Variants in NEBL observed in about 807,000 individuals in gnomAD.
NEBL encodes nebulette, also known as LIM and SH3 protein 2.
A neutral mutation model predicts 140.2 loss-of-function variants in NEBL; 122 were observed. That is an observed-to-expected ratio of 0.87 (90% CI 0.75 to 1.01). The LOEUF is 1.01. NEBL is among the 50% of genes least tolerant of loss of function. NEBL has a pLI of 0.00. For missense variants in NEBL, 1,365 were observed against 1,231.3 expected (o/e 1.11, Z -1.62); for synonymous variants, 436 against 398.9 (o/e 1.09, Z -1.11).
At chr10:20,939,553 C>A (rs1388442844) in intron 4 of NEBL, among the ~76,000 whole-genome samples, 1 of 152,184 alleles carries the variant, frequency 6.6e-6, no homozygotes, top group Non-Finnish European at 1.5e-5. Context: ...CAACTAACAT[C>A]ATAATGACAG....
chr10:21,125,139 T>C (rs543537259), intron 2 of NEBL, among the ~76,000 whole-genome samples: 1 of 152,106 alleles, frequency 6.6e-6, no homozygotes, highest in Non-Finnish European at 1.5e-5. Flanking sequence ...AAAGCAATGC[T>C]AACATCTCTA....
At position 20,812,887 on chromosome 10, in the gene NEBL, G is replaced by A. The variant is rs773030246; in HGVS notation, c.2400C>T (p.Val800=). ...CTCTCTCTGTCACAGGATCGTCCAC[G>A]ACGGGAGTAAAGCCTCTCCCCTTTG... ...EKTKGRGFTP[V]VDDPVTERVR... is the part of the protein sequence containing the mutation. Residue 800 remains valine (V), a synonymous_variant, in exon 24 of 28, where the codon GTC becomes GTT. Transcript: ENST00000377122. 12 of 1,613,846 alleles carry A rather than the reference G, an allele frequency of 7.4e-6. No individual in the cohort carries two copies. The highest frequency in any genetic ancestry group is 2.2e-5 in the East Asian group (1 of 44,850).
At chr10:20,978,836 C>A (rs114953165) in intron 3 of NEBL, among the ~76,000 whole-genome samples, 2 of 151,856 alleles carry the variant, frequency 1.3e-5, no homozygotes, top group Non-Finnish European at 2.9e-5. Flanking sequence ...TGGAGCCACT[C>A]GAGAGCAAGA....
At chr10:21,010,172 C>T (rs1410650085) in intron 3 of NEBL, among the ~76,000 whole-genome samples, 2 of 152,142 alleles carry the variant, frequency 1.3e-5, no homozygotes, top group Non-Finnish European at 2.9e-5. Context: ...TAGATCAGCT[C>T]CTCTGTATAA....
chr10:20,875,149 T>C (rs1353124985), intron 5 of NEBL, among the ~76,000 whole-genome samples: 1 of 152,232 alleles, frequency 6.6e-6, no homozygotes, highest in Non-Finnish European at 1.5e-5. Flanking sequence ...ACTTTCACCC[T>C]GAGCTCATAT....
Position 21,191,695 on chromosome 10 carries a change from G to T in NEBL, n.349-19218C>A, listed in dbSNP as rs149871299. ...CACACGCCCAAAGGCTTTAACAATA[G>T]GTACATTATAACAATATTGTTGCTT... On this transcript the variant is annotated intron_variant and non_coding_transcript_variant, in intron 3 of 8. Transcript: ENST00000675702. Among the ~76,000 whole-genome samples the T allele has an allele frequency of 5.2e-3, 787 of 152,266 alleles. 1 individual carries two copies. The highest frequency in any genetic ancestry group is 7.4e-3 in the Non-Finnish European group (503 of 68,016).
chr10:20,899,458 A>G (rs1436784580), upstream of NEBL: 1 of 1,291,492 alleles, frequency 7.7e-7, no homozygotes, highest in East Asian at 5.6e-5. Context: ...GTGCTGCAAG[A>G]AAATAAGCTG....
Position 21,155,115 on chromosome 10 carries a change from C to T in NEBL, c.164+17268G>A, listed in dbSNP as rs186333793. ...TCCAGAGGCTGAGGGAGGAGAATTGCTTGAACCCAGGAGGCAGAGGTTGCA... is the reference window on the plus strand; with the variant it reads ...TCCAGAGGCTGAGGGAGGAGAATTGTTTGAACCCAGGAGGCAGAGGTTGCA... On this transcript the variant is annotated intron_variant, in intron 2 of 6. Transcript: ENST00000417816. Among the ~76,000 whole-genome samples the T allele has an allele frequency of 5.3e-5, 8 of 152,218 alleles. No homozygotes were observed. In the East Asian group the frequency reaches 1.5e-3, roughly 29 times the overall value.
intron 4 of NEBL, among the ~76,000 whole-genome samples, chr10:20,915,274 C>T (rs1194948552): frequency 2.6e-5 from 4 of 151,704 alleles, no homozygotes; most frequent in African/African-American, 9.7e-5. Context: ...TATTATTATA[C>T]TTTAAGTTTT....
At chr10:21,137,931 A>C (rs1839428865) in intron 2 of NEBL, among the ~76,000 whole-genome samples, 1 of 151,326 alleles carries the variant, frequency 6.6e-6, no homozygotes. Flanking sequence ...TGAAAAAAAA[A>C]AAAAGGAAAG....
At chr10:21,288,820 G>GTATATATA (rs71392181) in intron 1 of NEBL, among the ~76,000 whole-genome samples, 22 of 35,016 alleles carry the variant, frequency 6.3e-4, no homozygotes, top group African/African-American at 7.7e-4. Context: ...GTGTGTGTGT[G>GTATATATA]TATATATATA....
chr10:21,028,235 C>CAAAAAAAAAAAAAAAAAAAAAAA (rs1168946872), intron 2 of NEBL, among the ~76,000 whole-genome samples: 10 of 66,230 alleles, frequency 1.5e-4, no homozygotes, highest in Admixed American at 2.0e-4. Context: ...TCAAACATCT[C>CAAAAAAAAAAAAAAAAAAAAAAA]AAAAAAAAAA....
chr10:20,788,885 G>A (rs549432423), intron 26 of NEBL, among the ~76,000 whole-genome samples: 2 of 152,258 alleles, frequency 1.3e-5, no homozygotes, highest in South Asian at 4.1e-4. Flanking sequence ...TTAGACTCTG[G>A]AAGCCTTGTC....
intron 3 of NEBL, among the ~76,000 whole-genome samples, chr10:21,193,862 A>G (rs530075380): frequency 1.3e-5 from 2 of 152,234 alleles, no homozygotes; most frequent in South Asian, 2.1e-4. Flanking sequence ...GAAATCCAGC[A>G]TCTTTTCACA....
At chr10:20,792,539 C>T (rs1013528041) in intron 26 of NEBL, among the ~76,000 whole-genome samples, 5 of 152,120 alleles carry the variant, frequency 3.3e-5, no homozygotes, top group Non-Finnish European at 7.4e-5. Flanking sequence ...TGGTGGCTCA[C>T]GCCTGTAATC....
At chr10:21,048,449 AC>A (rs1429654797) in intron 2 of NEBL, among the ~76,000 whole-genome samples, 1 of 94,940 alleles carries the variant, frequency 1.1e-5, no homozygotes, top group Non-Finnish European at 2.2e-5. Context: ...ATAAATTTCT[AC>A]CAAAAAAAAA....
chr10:20,924,394 C>G (rs1295906244), intron 4 of NEBL, among the ~76,000 whole-genome samples: 1 of 126,356 alleles, frequency 7.9e-6, no homozygotes, highest in East Asian at 2.3e-4. Flanking sequence ...ATGCCTATAG[C>G]TCTCGATCAG....
At position 20,871,824 on chromosome 10, in the gene NEBL, A is replaced by AT. The variant is rs542101002; in HGVS notation, c.481-1984dup. 5.3e-5 allele frequency among the ~76,000 whole-genome samples: 8 copies of AT among 151,698 alleles called. No homozygotes were observed. The East Asian group carries it at 1.2e-3, about 22-fold the overall frequency. ...TTGGGTGGATTTTAAATCTTTAGGG[A>AT]TTTTTTTTTAAGCAGGCCAATTCCA... On this transcript the variant is annotated intron_variant, in intron 5 of 27. Transcript: ENST00000377122.
chr10:20,802,146 C>A (rs543677155), intron 26 of NEBL, among the ~76,000 whole-genome samples: 1 of 152,108 alleles, frequency 6.6e-6, no homozygotes, highest in South Asian at 2.1e-4. Context: ...CAAGCACATA[C>A]GAATACTTTC....
Sources: allele counts gnomAD v4.1 joint callset (sites outside exome capture counted in the v4.1 genomes callset), GRCh38; gene constraint gnomAD v4.1.1; transcripts MANE v1.5; gene names NCBI Gene and HGNC (gene_info 2026-07-23, HGNC 2026-07-21).